Variants in GPC3 observed in about 807,000 individuals in gnomAD.
The protein encoded by GPC3 is glypican 3, also known as glypican-3.
Under a neutral mutation model 34.4 loss-of-function variants are expected in GPC3, and 3 were observed. The observed-to-expected ratio is 0.09, with a 90% CI of 0.04 to 0.23. The LOEUF is 0.23. Ranked by LOEUF, GPC3 falls within the 10% of genes least tolerant of loss-of-function variation. GPC3 has a pLI of 1.00. For missense variants in GPC3, 351 were observed against 445.6 expected (o/e 0.79, Z 1.91); for synonymous variants, 177 against 174.0 (o/e 1.02, Z -0.13).
At chrX:133,573,145 G>C (rs1251218399) in intron 7 of GPC3, among the ~76,000 whole-genome samples, 4 of 108,389 alleles carry the variant, frequency 3.7e-5, no homozygotes, top group African/African-American at 1.3e-4. Flanking sequence ...ATAGAATAAA[G>C]AAAAAAAAAT....
intron 6 of GPC3, among the ~76,000 whole-genome samples, chrX:133,615,306 C>T (rs767936651): frequency 2.0e-4 from 22 of 111,492 alleles, no homozygotes; most frequent in Non-Finnish European, 1.3e-4. Flanking sequence ...AAAATACTAG[C>T]AATCTGAATC....
intron 2 of GPC3, among the ~76,000 whole-genome samples, chrX:133,778,373 G>A (rs914738191): frequency 8.9e-6 from 1 of 111,787 alleles, no homozygotes; most frequent in Admixed American, 9.5e-5. Context: ...CCCTTCTTTG[G>A]TTGTTTATAG....
At chrX:133,962,118 A>T (rs1438527786) in intron 1 of GPC3, among the ~76,000 whole-genome samples, 1 of 111,614 alleles carries the variant, frequency 9.0e-6, no homozygotes, top group Non-Finnish European at 1.9e-5. Flanking sequence ...AGCTATGTGA[A>T]CCCTGCTATA....
intron 2 of GPC3, among the ~76,000 whole-genome samples, chrX:133,790,745 G>A (rs759398918): frequency 9.0e-6 from 1 of 110,982 alleles, no homozygotes; most frequent in East Asian, 2.8e-4. Flanking sequence ...TTAGAAAGAA[G>A]AAAATCAGGC....
chrX:133,855,952 C>T (rs765307672), intron 2 of GPC3, among the ~76,000 whole-genome samples: 75 of 111,883 alleles, frequency 6.7e-4, no homozygotes, highest in African/African-American at 2.1e-3. Flanking sequence ...TGGCAGGATC[C>T]CTTCCTTTCT....
chrX:133,842,441 A>G (rs1242198219), intron 2 of GPC3, among the ~76,000 whole-genome samples: 1 of 108,248 alleles, frequency 9.2e-6, no homozygotes, highest in African/African-American at 3.4e-5. Flanking sequence ...AGTAATATAT[A>G]TATTACATAC....
intron 2 of GPC3, among the ~76,000 whole-genome samples, chrX:133,944,775 C>T (rs2076360407): frequency 8.9e-6 from 1 of 112,354 alleles, no homozygotes; most frequent in African/African-American, 3.2e-5. Flanking sequence ...TATAAATGCA[C>T]AAGAGGGAAT....
intron 5 of GPC3, among the ~76,000 whole-genome samples, chrX:133,674,662 C>T (rs763966470): frequency 4.3e-4 from 48 of 111,442 alleles, no homozygotes; most frequent in Non-Finnish European, 7.7e-4. Flanking sequence ...GGCAACCCTC[C>T]AAAGTTTCCT....
chrX:133,842,085 G>A (rs1156472517), intron 2 of GPC3, among the ~76,000 whole-genome samples: 1 of 111,959 alleles, frequency 8.9e-6, no homozygotes, highest in African/African-American at 3.3e-5. Context: ...GGGAGACAGA[G>A]GCGGGCAGAT....
chrX:133,862,591 G>A (rs902918412), intron 2 of GPC3, among the ~76,000 whole-genome samples: 1 of 109,691 alleles, frequency 9.1e-6, no homozygotes, highest in Non-Finnish European at 1.9e-5. Context: ...TCGGCAGGCT[G>A]AGGTGGGAGA....
intron 6 of GPC3, among the ~76,000 whole-genome samples, chrX:133,632,969 T>A (rs1166219850): frequency 9.0e-6 from 1 of 111,293 alleles, no homozygotes; most frequent in African/African-American, 3.3e-5. Context: ...GAAATTATCA[T>A]GCATGTTCAA....
intron 6 of GPC3, among the ~76,000 whole-genome samples, chrX:133,661,385 T>C (rs1349021922): frequency 1.8e-5 from 2 of 111,104 alleles, no homozygotes; most frequent in Admixed American, 9.6e-5. Context: ...TTGTGAGAAA[T>C]ATTTTTCCCT....
chrX:133,609,787 A>G (rs1215424843), intron 6 of GPC3, among the ~76,000 whole-genome samples: 1 of 112,407 alleles, frequency 8.9e-6, no homozygotes, highest in African/African-American at 3.2e-5. Flanking sequence ...GCCTAAACTA[A>G]CCTTCACAGA....
At chrX:133,588,132 G>A (rs769306326) in intron 7 of GPC3, among the ~76,000 whole-genome samples, 11 of 111,523 alleles carry the variant, frequency 9.9e-5, no homozygotes, top group Non-Finnish European at 2.1e-4. Context: ...GATCTTGCCT[G>A]AGAGTTCCAG....
rs142916877 is a variant in GPC3, at chrX:133,735,225, A to G, written c.1032+18257T>C. 7.1e-5 allele frequency among the ~76,000 whole-genome samples: 8 copies of G among 111,996 alleles called. No individual in the cohort carries two copies. In the East Asian group the frequency reaches 1.4e-3, roughly 20 times the overall value. Reference sequence around the variant, plus strand: ...CCATTTTCAAAACTTGCTACAAAGTATTCAAAGCAGCATGGCACTGGCATA... The same window carrying G: ...CCATTTTCAAAACTTGCTACAAAGTGTTCAAAGCAGCATGGCACTGGCATA... On this transcript the variant is annotated intron_variant, in intron 3 of 7. Coordinates refer to ENST00000370818, the MANE Select transcript of GPC3 (RefSeq NM_004484.4).
intron 7 of GPC3, among the ~76,000 whole-genome samples, chrX:133,564,167 A>G (rs770809611): frequency 2.1e-4 from 24 of 111,708 alleles, no homozygotes; most frequent in African/African-American, 7.8e-4. Flanking sequence ...ATCTGTACCC[A>G]CCAAGAAGCA....
intron 2 of GPC3, among the ~76,000 whole-genome samples, chrX:133,909,715 A>T (rs1373518187): frequency 8.9e-6 from 1 of 111,926 alleles, no homozygotes; most frequent in African/African-American, 3.2e-5. Flanking sequence ...CTATTCCCTC[A>T]AACCATCAGA....
At chrX:133,746,350 C>T (rs1239743833) in intron 3 of GPC3, among the ~76,000 whole-genome samples, 3 of 112,032 alleles carry the variant, frequency 2.7e-5, no homozygotes, top group Non-Finnish European at 3.8e-5. Flanking sequence ...GCGATTATGC[C>T]AAGGCAAGGG....
At chrX:133,964,651 A>C (rs1316210191) in intron 1 of GPC3, among the ~76,000 whole-genome samples, 1 of 111,206 alleles carries the variant, frequency 9.0e-6, no homozygotes, top group Non-Finnish European at 1.9e-5. Context: ...ATTACCTCAA[A>C]TTGGGTGGCT....
Sources: allele counts gnomAD v4.1 joint callset (sites outside exome capture counted in the v4.1 genomes callset), GRCh38; gene constraint gnomAD v4.1.1; transcripts MANE v1.5; gene names NCBI Gene and HGNC (gene_info 2026-07-23, HGNC 2026-07-21).